CFAP54: variants seen among roughly 807,000 people sequenced by gnomAD.
CFAP54 encodes cilia- and flagella-associated protein 54.
A neutral mutation model predicts 370.4 loss-of-function variants in CFAP54; 290 were observed. The ratio of observed to expected loss-of-function variants is 0.78; its 90% CI spans 0.71 to 0.86. The LOEUF (loss-of-function observed/expected upper bound fraction) is 0.86. Ranked by LOEUF, CFAP54 falls within the 40% of genes least tolerant of loss-of-function variation. The pLI, the probability that CFAP54 is intolerant of heterozygous loss-of-function variation, is 0.00. For missense variants in CFAP54, 3,399 were observed against 3,528.7 expected (o/e 0.96, Z 0.93); for synonymous variants, 1,206 against 1,236.5 (o/e 0.98, Z 0.52).
At chr12:96,737,394 G>C (rs191610318) in intron 50 of CFAP54, among the ~76,000 whole-genome samples, 1 of 151,038 alleles carries the variant, frequency 6.6e-6, no homozygotes, top group African/African-American at 2.4e-5. Context: ...AAAAAAGATT[G>C]TGGGGAAAAA....
rs267603730 is a variant in CFAP54 at position 96,644,186 on chromosome 12, G to A, written c.4325G>A (p.Arg1442Lys). The change falls in exon 33 of 68, where the codon AGA (arginine) becomes AAA (lysine). Residue 1442 changes from arginine (R) to lysine (K), a missense_variant. Coordinates refer to ENST00000524981, the MANE Select transcript of CFAP54 (RefSeq NM_001306084.2). ...TCTTTCTCCCTTGGCAGAAATAGGA[G>A]AACCAGTGTTAGGAAAGCAGCACAA... ...SEMVAHERNRRTSVRKAAQRY... is the reference protein window; with the variant it reads ...SEMVAHERNRKTSVRKAAQRY... The A allele has an allele frequency of 3.3e-6, 5 of 1,530,598 alleles. No homozygotes were observed. Among genetic ancestry groups the A allele is most frequent in the Non-Finnish European group, 4.4e-6 (5 of 1,143,002 alleles). The allele number at this position is 1,530,598 out of a possible 1,614,324, so 94.8% of individuals were successfully genotyped here.
At chr12:96,855,086 C>T (rs552736929) in intron 66 of CFAP54, among the ~76,000 whole-genome samples, 138 of 152,182 alleles carry the variant, frequency 9.1e-4, no homozygotes, top group African/African-American at 3.3e-3. Flanking sequence ...GAGAAGTGTG[C>T]AGTGAAGTTG....
In CFAP54 at chr12:96,834,540, G is replaced by A. The variant is rs141536932; in HGVS notation, c.9171+5452G>A. 7.3e-3 allele frequency among the ~76,000 whole-genome samples: 1,108 copies of A among 152,350 alleles called. 10 individuals are homozygous for A. The highest frequency in any genetic ancestry group is 0.024 in the Middle Eastern group (7 of 294). On this transcript the variant is annotated intron_variant, in intron 66 of 67. Coordinates refer to ENST00000524981, the MANE Select transcript of CFAP54 (RefSeq NM_001306084.2). ...GGCAGCTCTAGGTGCTGGCATGGGC[G>A]CCAGCTCTCTGCAAGGCTGCAGCTG...
At chr12:96,851,236 C>A (rs1288609424) in intron 66 of CFAP54, among the ~76,000 whole-genome samples, 1 of 151,748 alleles carries the variant, frequency 6.6e-6, no homozygotes, top group African/African-American at 2.4e-5. Context: ...TACATTTTCA[C>A]CTAACTTAAC....
At chr12:96,704,608 C>A in intron 46 of CFAP54, 135 bp from the exon 47 acceptor site, 1 of 282,082 alleles carries the variant, frequency 3.5e-6, no homozygotes, top group Non-Finnish European at 6.6e-6. Context: ...CAATACTTAT[C>A]TTTTCTGACT....
chr12:96,745,781 A>T (rs1346449595), intron 55 of CFAP54, among the ~76,000 whole-genome samples: 1 of 152,224 alleles, frequency 6.6e-6, no homozygotes, highest in Non-Finnish European at 1.5e-5. Flanking sequence ...AAAGTTTAAG[A>T]AATAAACTTG....
intron 39 of CFAP54, among the ~76,000 whole-genome samples, chr12:96,664,622 A>ATGTGTG (rs55839375): frequency 0.03 from 3,411 of 115,150 alleles, 138 homozygotes; most frequent in African/African-American, 0.089. Flanking sequence ...CCAAGAACGT[A>ATGTGTG]TGTGTGTGTG....
intron 26 of CFAP54, 98 bp downstream of exon 26, chr12:96,598,865 G>A (rs1262436175): frequency 7.5e-6 from 3 of 398,884 alleles, no homozygotes; most frequent in Non-Finnish European, 1.3e-5. Context: ...TTTAAAAATG[G>A]CACCCTAAAA....
At chr12:96,729,615 G>A (rs1479803760) in intron 50 of CFAP54, among the ~76,000 whole-genome samples, 2 of 152,166 alleles carry the variant, frequency 1.3e-5, no homozygotes, top group Non-Finnish European at 2.9e-5. Flanking sequence ...CCAGGAAAGG[G>A]AACTCCCTGA....
At chr12:96,530,592 A>C (rs1955431239) in intron 9 of CFAP54, among the ~76,000 whole-genome samples, 1 of 152,200 alleles carries the variant, frequency 6.6e-6, no homozygotes, top group African/African-American at 2.4e-5. Flanking sequence ...GGACATTTGA[A>C]TTATTTCCAG....
chr12:96,561,041 A>G (rs569491722), intron 17 of CFAP54, among the ~76,000 whole-genome samples: 1 of 152,154 alleles, frequency 6.6e-6, no homozygotes, highest in South Asian at 2.1e-4. Flanking sequence ...ACTTGCCATC[A>G]TTGTTCTTTG....
chr12:96,727,765 C>G (rs1446015470), intron 50 of CFAP54, among the ~76,000 whole-genome samples: 1 of 151,548 alleles, frequency 6.6e-6, no homozygotes, highest in African/African-American at 2.4e-5. Flanking sequence ...CAGTTTCTTC[C>G]TAGTCTCGAT....
intron 26 of CFAP54, among the ~76,000 whole-genome samples, chr12:96,603,607 C>T (rs756815503): frequency 3.9e-5 from 6 of 152,314 alleles, no homozygotes; most frequent in African/African-American, 7.2e-5. Context: ...AGACGTAGAT[C>T]TGGTCTTTTC....
chr12:96,633,466 CAT>C (rs1193168110), intron 32 of CFAP54, among the ~76,000 whole-genome samples: 3 of 152,258 alleles, frequency 2.0e-5, no homozygotes, highest in East Asian at 1.9e-4. Context: ...TTTGCATGCA[CAT>C]GTGTGTGTGT....
At chr12:96,595,789 G>A (rs928269772) in intron 25 of CFAP54, among the ~76,000 whole-genome samples, 4 of 152,068 alleles carry the variant, frequency 2.6e-5, no homozygotes, top group African/African-American at 9.7e-5. Context: ...CAAAGGTGCC[G>A]ACCTGGTATG....
rs1239538249 is a variant in CFAP54, at chr12:96,533,743, A to G, written c.1358-49A>G. The G allele has an allele frequency of 4.6e-6, 6 of 1,311,130 alleles. No individual in the cohort carries two copies. The African/African-American group carries it at 6.0e-5, about 13-fold the overall frequency. 81.2% of individuals were successfully genotyped at this position (1,311,130 alleles called of 1,614,324 possible). ...AGTGTCTATAGTGAATATTTAATAA[A>G]TATTTATTTGCATGAGTGATATTCA... On this transcript the variant is annotated intron_variant, in intron 9 of 67. Coordinates refer to ENST00000524981, the MANE Select transcript of CFAP54 (RefSeq NM_001306084.2).
intron 19 of CFAP54, among the ~76,000 whole-genome samples, chr12:96,572,260 G>C (rs1955927879): frequency 6.6e-6 from 1 of 152,120 alleles, no homozygotes; most frequent in Admixed American, 6.6e-5. Flanking sequence ...CTAAAATAAA[G>C]ATACTATGTA....
chr12:96,605,364 G>A (rs960862793), intron 26 of CFAP54, among the ~76,000 whole-genome samples: 9 of 151,998 alleles, frequency 5.9e-5, no homozygotes, highest in Non-Finnish European at 1.3e-4. Context: ...GTAATGGAGG[G>A]GTGTGTTAAT....
At chr12:96,794,554 A>G (rs1006887594) in intron 63 of CFAP54, among the ~76,000 whole-genome samples, 18 of 150,792 alleles carry the variant, frequency 1.2e-4, no homozygotes, top group Middle Eastern at 3.2e-3. Context: ...TGTATTTTGC[A>G]TTTCTTTAAG....
Sources: allele counts gnomAD v4.1 joint callset (sites outside exome capture counted in the v4.1 genomes callset), GRCh38; gene constraint gnomAD v4.1.1; transcripts MANE v1.5; gene names NCBI Gene and HGNC (gene_info 2026-07-23, HGNC 2026-07-21).